Variants in DSCAM observed in about 807,000 individuals in gnomAD.
The protein encoded by DSCAM is DS cell adhesion molecule.
DSCAM carries 47 observed loss-of-function variants against 217.7 expected under a neutral mutation model. The ratio of observed to expected loss-of-function variants is 0.22; its 90% CI spans 0.17 to 0.28. DSCAM has a LOEUF of 0.28. Among genes scored for constraint, DSCAM ranks in the 10% least tolerant of loss-of-function variants. The pLI is 1.00. For missense variants in DSCAM, 2,080 were observed against 2,618.3 expected (o/e 0.79, Z 4.49); for synonymous variants, 1,056 against 1,015.3 (o/e 1.04, Z -0.76).
At chr21:40,131,194 T>C (rs2146685005) in intron 19 of DSCAM, among the ~76,000 whole-genome samples, 1 of 152,364 alleles carries the variant, frequency 6.6e-6, no homozygotes, top group East Asian at 1.9e-4. Context: ...TGTAATCAAT[T>C]TGACTGGGCA....
At chr21:40,637,772 A>T (rs996742472) in intron 3 of DSCAM, among the ~76,000 whole-genome samples, 3 of 149,200 alleles carry the variant, frequency 2.0e-5, no homozygotes, top group Non-Finnish European at 3.0e-5. Flanking sequence ...TCCCAGGTTC[A>T]AGCAATTCTC....
intron 16 of DSCAM, among the ~76,000 whole-genome samples, chr21:40,150,682 A>G (rs2837461): frequency 0.15 from 22,215 of 152,194 alleles, 1,988 homozygotes; most frequent in African/African-American, 0.25. Flanking sequence ...TCATATTCCC[A>G]AGGCAAATTA....
chr21:40,535,880 T>A (rs1191640326), intron 3 of DSCAM, among the ~76,000 whole-genome samples: 1 of 152,106 alleles, frequency 6.6e-6, no homozygotes, highest in African/African-American at 2.4e-5. Context: ...GGACTTTGTC[T>A]CCTTGCAAGG....
At chr21:40,429,602 G>C (rs1202007506) in intron 3 of DSCAM, among the ~76,000 whole-genome samples, 3 of 152,192 alleles carry the variant, frequency 2.0e-5, no homozygotes, top group Non-Finnish European at 4.4e-5. Flanking sequence ...TGTGGACCCA[G>C]ATAGCCTGGG....
At chr21:40,770,184 A>G (rs2091432091) in intron 1 of DSCAM, among the ~76,000 whole-genome samples, 1 of 152,198 alleles carries the variant, frequency 6.6e-6, no homozygotes, top group African/African-American at 2.4e-5. Flanking sequence ...ACTGGTCTTC[A>G]TTTCTTCCCT....
chr21:40,711,983 C>G (rs1454247312), intron 1 of DSCAM, among the ~76,000 whole-genome samples: 1 of 152,154 alleles, frequency 6.6e-6, no homozygotes, highest in Non-Finnish European at 1.5e-5. Flanking sequence ...CCATGTCTTT[C>G]TGAAATGTTT....
In DSCAM at chr21:40,635,415, G is replaced by T. The variant is rs925688000; in HGVS notation, c.508+57395C>A. On this transcript the variant is annotated intron_variant, in intron 3 of 32. Coordinates refer to ENST00000400454, the MANE Select transcript of DSCAM (RefSeq NM_001389.5). ...GATGCAGCTGCAAATTGCTACCGAGGTAAAGAAAGATTTAGAAAGTAGAGT... is the reference window on the plus strand; with the variant it reads ...GATGCAGCTGCAAATTGCTACCGAGTTAAAGAAAGATTTAGAAAGTAGAGT... Among the ~76,000 whole-genome samples, 13 of 152,148 alleles carry T rather than the reference G, an allele frequency of 8.5e-5. 1 individual carries two copies. The highest frequency in any genetic ancestry group is 5.8e-4 in the East Asian group (3 of 5,194).
At chr21:40,178,806 G>T in intron 15 of DSCAM, 121 bp downstream of exon 15, 2 of 1,178,870 alleles carry the variant, frequency 1.7e-6, no homozygotes, top group Non-Finnish European at 2.4e-6. Context: ...ACTACGGAGA[G>T]CACGCATCAA....
chr21:40,073,607 G>A (rs540852989), intron 27 of DSCAM, among the ~76,000 whole-genome samples: 1 of 152,304 alleles, frequency 6.6e-6, no homozygotes, highest in Admixed American at 6.5e-5. Context: ...TAGCACTGAA[G>A]TAGCCTCCCT....
At chr21:40,480,565 A>T (rs747707264) in intron 3 of DSCAM, among the ~76,000 whole-genome samples, 7 of 152,232 alleles carry the variant, frequency 4.6e-5, no homozygotes, top group Non-Finnish European at 8.8e-5. Context: ...GACATTACTT[A>T]TCTCTCACGT....
rs372922302 is a variant in DSCAM, at chr21:40,076,670, G to A, written c.4712-1457C>T. 6.6e-5 allele frequency among the ~76,000 whole-genome samples: 10 copies of A among 152,306 alleles called. No homozygotes were observed. The East Asian group carries it at 7.7e-4, about 12-fold the overall frequency. ...CTTAGAAGACAAACATTTAAAATCC[G>A]CAGAACACTTTGTGAATTAGAATCA... On this transcript the variant is annotated intron_variant, in intron 26 of 32. Transcript: ENST00000400454.
intron 8 of DSCAM, among the ~76,000 whole-genome samples, chr21:40,319,264 A>G (rs1033244939): frequency 2.0e-5 from 3 of 152,136 alleles, no homozygotes; most frequent in African/African-American, 7.2e-5. Context: ...CAGCAGACCA[A>G]AGTTTTCTCT....
At chr21:40,822,778 A>G (rs1374404063) in intron 1 of DSCAM, among the ~76,000 whole-genome samples, 1 of 152,234 alleles carries the variant, frequency 6.6e-6, no homozygotes, top group Non-Finnish European at 1.5e-5. Flanking sequence ...CTTTATTTTC[A>G]GTTTTTCAAT....
At chr21:40,728,727 A>T (rs116090691) in intron 1 of DSCAM, among the ~76,000 whole-genome samples, 2 of 152,280 alleles carry the variant, frequency 1.3e-5, no homozygotes, top group Middle Eastern at 3.4e-3. Context: ...GCCCACTACA[A>T]ATGATTCTGA....
intron 3 of DSCAM, among the ~76,000 whole-genome samples, chr21:40,411,764 A>G (rs547969082): frequency 8.5e-4 from 129 of 152,342 alleles, no homozygotes; most frequent in African/African-American, 3.0e-3. Context: ...TCTTCCAGAT[A>G]TTAGAATAAT....
intron 8 of DSCAM, among the ~76,000 whole-genome samples, chr21:40,333,315 G>T (rs1482537083): frequency 1.3e-5 from 2 of 152,122 alleles, no homozygotes; most frequent in African/African-American, 4.8e-5. Flanking sequence ...CTGACCATTG[G>T]AGTATAATTT....
At chr21:40,490,094 G>C (rs961845924) in intron 3 of DSCAM, among the ~76,000 whole-genome samples, 2 of 152,188 alleles carry the variant, frequency 1.3e-5, no homozygotes, top group East Asian at 1.9e-4. Flanking sequence ...GCAGGCAAGA[G>C]AGTGCGTGTG....
intron 9 of DSCAM, among the ~76,000 whole-genome samples, chr21:40,298,856 A>G (rs1439718389): frequency 6.6e-6 from 1 of 152,164 alleles, no homozygotes; most frequent in South Asian, 2.1e-4. Flanking sequence ...CCTCCCCTCA[A>G]TTTGGTTCTA....
intron 32 of DSCAM, among the ~76,000 whole-genome samples, chr21:40,033,967 C>CCTGTCTGTTA (rs2088585820): frequency 7.8e-6 from 1 of 128,902 alleles, no homozygotes; most frequent in Non-Finnish European, 1.6e-5. Flanking sequence ...AGCTGAGGGT[C>CCTGTCTGTTA]CTGTCTGTTA....
Sources: gnomAD v4.1 joint callset for allele counts (sites outside exome capture counted in the v4.1 genomes callset) on GRCh38, gnomAD v4.1.1 for gene constraint, MANE v1.5 for transcripts, NCBI Gene and HGNC (gene_info 2026-07-23, HGNC 2026-07-21) for gene names.